Variants in TCF7 observed in about 807,000 individuals in gnomAD.
TCF7 encodes T-cell-factor-7.
A neutral mutation model predicts 46.8 loss-of-function variants in TCF7; 19 were observed. The observed-to-expected ratio is 0.41, with a 90% CI of 0.28 to 0.60. TCF7 has a LOEUF of 0.60. TCF7 is among the 20% of genes least tolerant of loss of function. TCF7 has a pLI of 0.35. For missense variants in TCF7, 547 were observed against 504.6 expected, an observed-to-expected ratio of 1.08 and a Z score of -0.81; for synonymous variants, 245 against 213.4, an observed-to-expected ratio of 1.15 and a Z score of -1.29.
intron 4 of TCF7, 73 bp downstream of exon 4, chr5:134,138,237 G>A (rs1393434084): frequency 2.9e-6 from 4 of 1,370,904 alleles, no homozygotes; most frequent in Non-Finnish European, 4.1e-6. Context: ...TCTGAGACCA[G>A]GTAGCTGGGT....
chr5:134,119,050 G>C (rs908759444), intron 3 of TCF7, among the ~76,000 whole-genome samples: 2 of 152,206 alleles, frequency 1.3e-5, no homozygotes, highest in African/African-American at 4.8e-5. Flanking sequence ...TGGAGGTGGT[G>C]AGTGGGGAGA....
chr5:134,142,070 G>C, intron 5 of TCF7, 115 bp from the exon 6 acceptor site: 2 of 1,419,006 alleles, frequency 1.4e-6, no homozygotes, highest in Non-Finnish European at 2.0e-6. Flanking sequence ...GTAGGATAGA[G>C]TATCTATCTG....
At chr5:134,127,298 G>A (rs1655193019) in intron 3 of TCF7, among the ~76,000 whole-genome samples, 1 of 152,230 alleles carries the variant, frequency 6.6e-6, no homozygotes. Flanking sequence ...AGGGCTCCCA[G>A]GGCCAAAAGG....
At chr5:134,125,885 T>C (rs1164324847) in intron 3 of TCF7, among the ~76,000 whole-genome samples, 1 of 152,224 alleles carries the variant, frequency 6.6e-6, no homozygotes, top group African/African-American at 2.4e-5. Flanking sequence ...GGTTGACTCT[T>C]TGCCCTGCTG....
intron 3 of TCF7, among the ~76,000 whole-genome samples, chr5:134,136,456 T>C (rs1213674379): frequency 2.0e-5 from 3 of 152,074 alleles, no homozygotes; most frequent in African/African-American, 7.2e-5. Context: ...CAGGTGGCAG[T>C]GTCAGCACCT....
Position 134,115,612 on chromosome 5 carries a change from C to T in TCF7, c.316+225C>T, listed in dbSNP as rs1055763952. 11 of 1,432,174 alleles carry T rather than the reference C, an allele frequency of 7.7e-6. No individual in the cohort carries two copies. The Admixed American group carries it at 2.3e-4, about 30-fold the overall frequency. The allele number at this position is 1,432,174 out of a possible 1,614,324, so 88.7% of individuals were successfully genotyped here. ...GGAGTAAACAGACCCCCGCCATCCCCGCCTCCCCTCCTGCCCAGGTGACTG... is the reference window on the plus strand; with the variant it reads ...GGAGTAAACAGACCCCCGCCATCCCTGCCTCCCCTCCTGCCCAGGTGACTG... On this transcript the variant is annotated intron_variant, in intron 2 of 9. Transcript: ENST00000342854.
At chr5:134,138,742 C>A (rs1333962833) in intron 4 of TCF7, 2 of 695,498 alleles carry the variant, frequency 2.9e-6, no homozygotes, top group Non-Finnish European at 4.6e-6. Flanking sequence ...TTAGGCAAGT[C>A]ACCCCAGCCC....
rs1351937523 is a variant in TCF7 at position 134,146,078 on chromosome 5, GTC to G, written c.1076-144_1076-143del. The G allele has an allele frequency of 4.4e-6, 7 of 1,588,526 alleles. No homozygotes were observed. In the East Asian group the frequency reaches 1.6e-4, roughly 35 times the overall value. On this transcript the variant is annotated intron_variant, in intron 9 of 9. Transcript: ENST00000342854. ...CTGGGCCAGACCAAGCAGAATGGCA[GTC>G]TGAGGACACTGACTTACCACCCAAG...
chr5:134,130,879 A>G (rs544983239), intron 3 of TCF7, among the ~76,000 whole-genome samples: 4 of 152,212 alleles, frequency 2.6e-5, no homozygotes, highest in African/African-American at 9.7e-5. Flanking sequence ...AATACATTCA[A>G]TATAAATAAC....
Position 134,115,029 on chromosome 5 carries a change from C to A in TCF7, c.123C>A (p.Ala41=), listed in dbSNP as rs1456359939. Residue 41 remains alanine (A), a synonymous_variant, in exon 1 of 10, where the codon GCC becomes GCA. Transcript: ENST00000342854. Reference sequence around the variant, plus strand: ...AGGACGACAAGAGCCGCGACAGCGCCGCCGGTCCCGAGCGCGACCTGGCCG... The same window carrying A: ...AGGACGACAAGAGCCGCGACAGCGCAGCCGGTCCCGAGCGCGACCTGGCCG... The part of the protein sequence containing the change: ...EEQDDKSRDS[A]AGPERDLAEL... 1 of 1,253,032 alleles carries A rather than the reference C, an allele frequency of 8.0e-7. No individual in the cohort carries two copies. The highest frequency in any genetic ancestry group is 4.7e-5 in the East Asian group (1 of 21,206). 77.6% of individuals were successfully genotyped at this position (1,253,032 alleles called of 1,614,324 possible).
intron 9 of TCF7, chr5:134,145,715 A>G: frequency 6.2e-7 from 1 of 1,613,034 alleles, no homozygotes. Flanking sequence ...TCTTCAGGGG[A>G]AGTTCTATTC....
At chr5:134,134,092 G>C (rs1758521699) in intron 3 of TCF7, among the ~76,000 whole-genome samples, 1 of 152,210 alleles carries the variant, frequency 6.6e-6, no homozygotes, top group African/African-American at 2.4e-5. Flanking sequence ...ACTCCTGTGG[G>C]TAGCTTCTCA....
intron 3 of TCF7, among the ~76,000 whole-genome samples, chr5:134,137,579 G>A (rs1260634863): frequency 1.3e-5 from 2 of 152,194 alleles, no homozygotes; most frequent in African/African-American, 2.4e-5. Flanking sequence ...GCCCTTCCCT[G>A]TGTCAGAAAA....
At position 134,147,936 on chromosome 5, in the gene TCF7, A is replaced by G. The variant is rs1314703256; in HGVS notation, c.*1633A>G. 1.6e-5 allele frequency: 2 copies of G among 127,268 alleles called. No individual in the cohort carries two copies. The highest frequency in any genetic ancestry group is 6.0e-5 in the African/African-American group (2 of 33,358). 7.9% of individuals were successfully genotyped at this position (127,268 alleles called of 1,614,324 possible). A position where few individuals can be genotyped will look rare whatever the true frequency, so the allele number is the denominator to read the frequency against. ...GGTTCCAGTGAGCCGAGATGGCGCT[A>G]TTGCACTCCAGTCTGGGTAACAGGG... On this transcript the variant is annotated 3_prime_UTR_variant, in exon 10 of 10. Coordinates refer to ENST00000342854, the MANE Select transcript of TCF7 (RefSeq NM_003202.5).
At chr5:134,118,420 C>T (rs1355511015) in intron 3 of TCF7, among the ~76,000 whole-genome samples, 1 of 152,212 alleles carries the variant, frequency 6.6e-6, no homozygotes, top group Non-Finnish European at 1.5e-5. Flanking sequence ...GGCTTGAGGC[C>T]AGTCATTGCA....
chr5:134,132,080 G>C (rs150397405), intron 3 of TCF7, among the ~76,000 whole-genome samples: 49 of 152,358 alleles, frequency 3.2e-4, no homozygotes, highest in Non-Finnish European at 6.6e-4. Context: ...ACTGTGTTTA[G>C]AACTGGGACA....
At chr5:134,143,717 G>A (rs1760244206) in intron 9 of TCF7, 77 bp downstream of exon 9, 4 of 1,572,720 alleles carry the variant, frequency 2.5e-6, no homozygotes, top group African/African-American at 2.7e-5. Context: ...CTGACCCAAA[G>A]GGAGGAACGC....
intron 3 of TCF7, among the ~76,000 whole-genome samples, chr5:134,132,211 G>T (rs949061126): frequency 1.3e-5 from 2 of 152,230 alleles, no homozygotes; most frequent in Non-Finnish European, 2.9e-5. Context: ...GGGCGTAGTA[G>T]TTGTACCTAA....
chr5:134,147,492 CCA>C lies in TCF7; in HGVS notation c.*1190_*1191del, dbSNP rs1760842149. 1 of 152,638 alleles carries C rather than the reference CCA, an allele frequency of 6.6e-6. No homozygotes were observed. The highest frequency in any genetic ancestry group is 6.5e-5 in the Admixed American group (1 of 15,286). The allele number at this position is 152,638 out of a possible 1,614,324, so 9.5% of individuals were successfully genotyped here. A position where few individuals can be genotyped will look rare whatever the true frequency, so the allele number is the denominator to read the frequency against. The stretch of plus-strand genomic sequence containing the variant: ...CAGCATTCAGTCCGCCTGGCCGGCT[CCA>C]GTTTCCCCATGGGGCTGCGGGACAG... On this transcript the variant is annotated 3_prime_UTR_variant, in exon 10 of 10. Transcript: ENST00000342854.
Sources: allele counts gnomAD v4.1 joint callset (sites outside exome capture counted in the v4.1 genomes callset), GRCh38; gene constraint gnomAD v4.1.1; transcripts MANE v1.5; gene names NCBI Gene and HGNC (gene_info 2026-07-23, HGNC 2026-07-21).